The following POU2F3 variants were observed in gnomAD, a reference collection of about 807,000 sequenced individuals.
The protein encoded by POU2F3 is POU domain, class 2, transcription factor 3.
POU2F3 carries 23 observed loss-of-function variants against 59.2 expected under a neutral mutation model. That is an observed-to-expected ratio of 0.39 (90% CI 0.28 to 0.55). The LOEUF (loss-of-function observed/expected upper bound fraction) is 0.55. Ranked by LOEUF, POU2F3 falls within the 20% of genes least tolerant of loss-of-function variation. The pLI, the probability that POU2F3 is intolerant of heterozygous loss-of-function variation, is 0.66. For missense variants in POU2F3, 473 were observed against 544.5 expected, an observed-to-expected ratio of 0.87 and a Z score of 1.31; for synonymous variants, 190 against 214.6, an observed-to-expected ratio of 0.89 and a Z score of 1.00.
At chr11:120,246,044 G>C (rs1938854313) in intron 1 of POU2F3, among the ~76,000 whole-genome samples, 1 of 152,084 alleles carries the variant, frequency 6.6e-6, no homozygotes, top group Admixed American at 6.6e-5. Context: ...AGGCGGGGAG[G>C]GATAATTCTT....
chr11:120,316,622 C>T (rs556533651), intron 11 of POU2F3, among the ~76,000 whole-genome samples: 69 of 152,282 alleles, frequency 4.5e-4, no homozygotes, highest in African/African-American at 1.6e-3. Context: ...GACTGGGTTT[C>T]GCCATGTTGC....
chr11:120,289,671 C>T (rs768293017), intron 3 of POU2F3, among the ~76,000 whole-genome samples: 1 of 152,210 alleles, frequency 6.6e-6, no homozygotes, highest in Non-Finnish European at 1.5e-5. Context: ...TCCACTTCCG[C>T]TTCTTCCACT....
At chr11:120,236,753 T>C (rs777339821), upstream of POU2F3, 10 of 1,421,140 alleles carry the variant, frequency 7.0e-6, no homozygotes, top group East Asian at 9.9e-5. Flanking sequence ...CTAACTGAAA[T>C]GATCAGTGAG....
At chr11:120,266,868 A>C (rs553112010) in intron 2 of POU2F3, among the ~76,000 whole-genome samples, 1 of 152,342 alleles carries the variant, frequency 6.6e-6, no homozygotes, top group Non-Finnish European at 1.5e-5. Flanking sequence ...GAGGCCAGTG[A>C]CTTCCTTCTT....
rs559843803 is a variant in POU2F3 at position 120,285,952 on chromosome 11, G to A, written c.133-12313G>A. On this transcript the variant is annotated intron_variant, in intron 3 of 12. Transcript: ENST00000543440. This position sits in a 1 kb window ranked among gnomAD's most constrained non-coding sequence, Gnocchi z 4.3. ...GGCTGGAGTGCAGTGGTGCTATCTC[G>A]GCTCACTGCAACCTCCGCCCCCAGG... Among the ~76,000 whole-genome samples, 23 of 151,996 alleles carry A rather than the reference G, an allele frequency of 1.5e-4. No individual in the cohort carries two copies. In the South Asian group the frequency reaches 4.6e-3, roughly 30 times the overall value.
In POU2F3 at chr11:120,309,539, T is replaced by G. The variant is rs781684890; in HGVS notation, c.1021T>G (p.Cys341Gly). The G allele has an allele frequency of 4.3e-6, 7 of 1,614,132 alleles. No homozygotes were observed. In the South Asian group the frequency reaches 6.6e-5, roughly 15 times the overall value. The change falls in exon 10 of 13, where the codon TGC (cysteine) becomes GGC (glycine). Residue 341 changes from cysteine (C) to glycine (G), a missense_variant. Cys to Gly is a radical substitution (Grantham distance 159). Transcript: ENST00000543440. Reference sequence around the variant, plus strand: ...ACGCCAAAAGGAGAAGCGAATCAACTGCCCTGTGGCCACACCCATCAAACC... The same window carrying G: ...ACGCCAAAAGGAGAAGCGAATCAACGGCCCTGTGGCCACACCCATCAAACC... ...NRRQKEKRIN[C>G]PVATPIKPPV... is the part of the protein sequence containing the mutation.
At chr11:120,283,917 A>G (rs1370827948) in intron 3 of POU2F3, among the ~76,000 whole-genome samples, 2 of 146,738 alleles carry the variant, frequency 1.4e-5, no homozygotes, top group African/African-American at 2.5e-5. Context: ...TGGTGCATTC[A>G]GTAAGTGTGT....
chr11:120,267,751 A>C (rs1342195378), intron 2 of POU2F3, among the ~76,000 whole-genome samples: 1 of 152,280 alleles, frequency 6.6e-6, no homozygotes, highest in Non-Finnish European at 1.5e-5. Context: ...GACAAAAAAA[A>C]AATGGGTGTC....
At chr11:120,238,711 A>G (rs1938560107), upstream of POU2F3, among the ~76,000 whole-genome samples, 1 of 150,334 alleles carries the variant, frequency 6.7e-6, no homozygotes, top group South Asian at 2.1e-4. Flanking sequence ...GCACGTGCTT[A>G]TAGTCTCAGC....
At chr11:120,296,446 G>A (rs1050790384) in intron 3 of POU2F3, among the ~76,000 whole-genome samples, 4 of 152,112 alleles carry the variant, frequency 2.6e-5, no homozygotes, top group Non-Finnish European at 5.9e-5. Flanking sequence ...GTCCAGGTTT[G>A]TTATACAGGT....
chr11:120,245,032 G>A (rs1029969915), intron 1 of POU2F3, among the ~76,000 whole-genome samples: 5 of 150,926 alleles, frequency 3.3e-5, no homozygotes, highest in African/African-American at 1.2e-4. Flanking sequence ...TTTGTCTGGG[G>A]AGGGTTCCAT....
chr11:120,311,197 A>G (rs1591444430), intron 10 of POU2F3, among the ~76,000 whole-genome samples: 1 of 152,214 alleles, frequency 6.6e-6, no homozygotes, highest in Non-Finnish European at 1.5e-5. Context: ...ATTGTACACA[A>G]TGCTAAGGAA....
At position 120,305,852 on chromosome 11, in the gene POU2F3, C is replaced by T. The variant is rs2276110; in HGVS notation, c.769+67C>T. The T allele has an allele frequency of 2.5e-5, 40 of 1,573,316 alleles. No homozygotes were observed. The East Asian group carries it at 7.0e-4, about 27-fold the overall frequency. Reference sequence around the variant, plus strand: ...CTGCAGGGAAGGGCCAGTGACTTGTCGTGTTGGGGCTTTTGGGAGTTTGAT... The same window carrying T: ...CTGCAGGGAAGGGCCAGTGACTTGTTGTGTTGGGGCTTTTGGGAGTTTGAT... On this transcript the variant is annotated intron_variant, in intron 8 of 12. Transcript: ENST00000543440.
chr11:120,245,701 C>T (rs1374156528), intron 1 of POU2F3, among the ~76,000 whole-genome samples: 1 of 152,128 alleles, frequency 6.6e-6, no homozygotes, highest in East Asian at 1.9e-4. Context: ...TGAAATGAAG[C>T]AGGGCAGAGA....
chr11:120,290,613 C>A (rs1238832266), intron 3 of POU2F3, among the ~76,000 whole-genome samples: 1 of 152,202 alleles, frequency 6.6e-6, no homozygotes, highest in Admixed American at 6.5e-5. Context: ...ATTCTCTGAG[C>A]CTTGGTTCCC....
At chr11:120,279,913 G>A (rs1242835145) in intron 3 of POU2F3, among the ~76,000 whole-genome samples, 1 of 152,220 alleles carries the variant, frequency 6.6e-6, no homozygotes, top group Non-Finnish European at 1.5e-5. Context: ...ACTGGCATGA[G>A]CTCTGCATGC....
At chr11:120,294,344 G>T (rs1941124687) in intron 3 of POU2F3, among the ~76,000 whole-genome samples, 1 of 152,182 alleles carries the variant, frequency 6.6e-6, no homozygotes, top group Admixed American at 6.5e-5. Flanking sequence ...ACGTCTCCAG[G>T]GATGCGTCCG....
rs567953174 is a variant in POU2F3, at chr11:120,246,854, G to A, written c.97+337G>A. Among the ~76,000 whole-genome samples, 333 of 152,318 alleles carry A rather than the reference G, an allele frequency of 2.2e-3. 1 individual carries two copies. The highest frequency in any genetic ancestry group is 2.5e-3 in the East Asian group (13 of 5,188). On this transcript the variant is annotated intron_variant, in intron 2 of 12. Coordinates refer to ENST00000543440, the MANE Select transcript of POU2F3 (RefSeq NM_014352.4). ...ACCTGTCTTTCTTAGATGGGGACAA[G>A]GCCTTTTAGCCCCAGATACCTTGAT...
At position 120,298,524 on chromosome 11, in the gene POU2F3, T is replaced by C. The variant is rs1157842514; in HGVS notation, c.258+134T>C. ...GGGAAAGAGATCTGGAGGCTGTGAGTAGGGTTCTAAAACAGTCCTCTTACA... is the reference window on the plus strand; with the variant it reads ...GGGAAAGAGATCTGGAGGCTGTGAGCAGGGTTCTAAAACAGTCCTCTTACA... On this transcript the variant is annotated intron_variant, in intron 4 of 12. Transcript: ENST00000543440. 8 of 1,282,916 alleles carry C rather than the reference T, an allele frequency of 6.2e-6. No homozygotes were observed. In the African/African-American group the frequency reaches 1.0e-4, roughly 17 times the overall value. The allele number at this position is 1,282,916 out of a possible 1,614,324, so 79.5% of individuals were successfully genotyped here. A position where few individuals can be genotyped will look rare whatever the true frequency, so the allele number is the denominator to read the frequency against.
Sources: gnomAD v4.1 joint callset for allele counts (sites outside exome capture counted in the v4.1 genomes callset) on GRCh38, gnomAD v4.1.1 for gene constraint, Gnocchi (gnomAD v3.1) non-coding constraint, MANE v1.5 for transcripts, NCBI Gene and HGNC (gene_info 2026-07-23, HGNC 2026-07-21) for gene names.